TAFA1: variants seen among roughly 807,000 people sequenced by gnomAD.
The protein encoded by TAFA1 is TAFA chemokine like family member 1.
In TAFA1, 4 loss-of-function variants were observed where a neutral mutation model predicts 18.5. The ratio of observed to expected loss-of-function variants is 0.22; its 90% confidence interval spans 0.11 to 0.49. The LOEUF (loss-of-function observed/expected upper bound fraction) is 0.49. Among genes scored for constraint, TAFA1 ranks in the 20% least tolerant of loss-of-function variants. The pLI is 0.98. For synonymous variants in TAFA1, 56 were observed against 55.2 expected (o/e 1.01, Z -0.06); for missense variants, 147 against 169.0 (o/e 0.87, Z 0.72).
intron 2 of TAFA1, among the ~76,000 whole-genome samples, chr3:68,019,261 G>T (rs2106792849): frequency 6.6e-6 from 1 of 152,296 alleles, no homozygotes; most frequent in East Asian, 1.9e-4. Flanking sequence ...TATGCAAACA[G>T]GCCTGGCTGA....
At chr3:68,538,168 A>C (rs1352772753) in intron 3 of TAFA1, among the ~76,000 whole-genome samples, 1 of 152,062 alleles carries the variant, frequency 6.6e-6, no homozygotes, top group East Asian at 1.9e-4. Flanking sequence ...GTCTGAAAAA[A>C]TCTCAGTCAA....
chr3:68,091,691 G>A (rs1043750814), intron 2 of TAFA1, among the ~76,000 whole-genome samples: 1 of 152,202 alleles, frequency 6.6e-6, no homozygotes, highest in South Asian at 2.1e-4. Context: ...GATGAAAAAA[G>A]CAGCCCTGAG....
intron 2 of TAFA1, among the ~76,000 whole-genome samples, chr3:68,161,726 T>C (rs1455047510): frequency 6.6e-6 from 1 of 152,166 alleles, no homozygotes; most frequent in Non-Finnish European, 1.5e-5. Context: ...AAACCCCATT[T>C]TGTTATTATT....
intron 2 of TAFA1, among the ~76,000 whole-genome samples, chr3:68,377,083 G>C (rs1553683329): frequency 6.6e-6 from 1 of 152,134 alleles, no homozygotes; most frequent in Admixed American, 6.6e-5. Context: ...TTTTCTTGCT[G>C]AATTACCCAG....
At chr3:68,011,711 A>T (rs1704475637) in intron 2 of TAFA1, among the ~76,000 whole-genome samples, 1 of 152,194 alleles carries the variant, frequency 6.6e-6, no homozygotes, top group Admixed American at 6.5e-5. Context: ...TGCTAAATAT[A>T]GCGAATTGGC....
chr3:68,280,492 C>T (rs550665136), intron 2 of TAFA1, among the ~76,000 whole-genome samples: 8 of 152,166 alleles, frequency 5.3e-5, no homozygotes, highest in South Asian at 4.2e-4. Flanking sequence ...TGGTAAAGAC[C>T]GCTTTTTAGG....
At chr3:68,500,896 T>G (rs1438088120) in intron 3 of TAFA1, among the ~76,000 whole-genome samples, 1 of 152,020 alleles carries the variant, frequency 6.6e-6, no homozygotes, top group Non-Finnish European at 1.5e-5. Flanking sequence ...CCAGGCATGG[T>G]GGCTCACACC....
chr3:68,095,110 G>A (rs2065072810), intron 2 of TAFA1, among the ~76,000 whole-genome samples: 1 of 152,136 alleles, frequency 6.6e-6, no homozygotes, highest in African/African-American at 2.4e-5. Flanking sequence ...TCCAGCCAGA[G>A]AGATCTGATT....
At chr3:68,405,699 CA>C (rs56258198) in intron 2 of TAFA1, among the ~76,000 whole-genome samples, 3 of 32,890 alleles carry the variant, frequency 9.1e-5, no homozygotes, top group African/African-American at 1.4e-4. Flanking sequence ...GACTCTATCT[CA>C]AAAAAAAAAA....
intron 2 of TAFA1, among the ~76,000 whole-genome samples, chr3:68,213,526 T>C (rs2066619651): frequency 6.6e-6 from 1 of 152,090 alleles, no homozygotes; most frequent in Non-Finnish European, 1.5e-5. Context: ...CCCTTTACTT[T>C]CATGTATTCT....
intron 2 of TAFA1, among the ~76,000 whole-genome samples, chr3:68,208,998 T>G (rs1235804567): frequency 6.6e-6 from 1 of 151,940 alleles, no homozygotes; most frequent in Non-Finnish European, 1.5e-5. Flanking sequence ...CAACTGCCAT[T>G]TCATGGATGG....
At chr3:68,029,870 C>T (rs1230668156) in intron 2 of TAFA1, among the ~76,000 whole-genome samples, 1 of 152,132 alleles carries the variant, frequency 6.6e-6, no homozygotes, top group Admixed American at 6.5e-5. Context: ...AGTTTCGTTA[C>T]CTTGCCTAAG....
intron 2 of TAFA1, among the ~76,000 whole-genome samples, chr3:68,250,111 C>A (rs1444923039): frequency 6.6e-6 from 1 of 152,112 alleles, no homozygotes; most frequent in Non-Finnish European, 1.5e-5. Flanking sequence ...TATACGCTCT[C>A]ATCACTTATA....
At position 68,474,636 on chromosome 3, in the gene TAFA1, G is replaced by A. The variant is rs527921626; in HGVS notation, c.259+57216G>A. Among the ~76,000 whole-genome samples, 3 of 152,316 alleles carry A rather than the reference G, an allele frequency of 2.0e-5. No homozygotes were observed. In the South Asian group the frequency reaches 6.2e-4, roughly 32 times the overall value. On this transcript the variant is annotated intron_variant, in intron 3 of 4. Coordinates refer to ENST00000478136, the MANE Select transcript of TAFA1 (RefSeq NM_213609.4). ...TTTACGTGAGAGTATAGCAGGTGCTGCATCTTGGTTTTATAAATCGTTGTA... is the reference window on the plus strand; with the variant it reads ...TTTACGTGAGAGTATAGCAGGTGCTACATCTTGGTTTTATAAATCGTTGTA...
chr3:68,237,642 G>A (rs573475881), intron 2 of TAFA1, among the ~76,000 whole-genome samples: 1 of 152,258 alleles, frequency 6.6e-6, no homozygotes, highest in South Asian at 2.1e-4. Context: ...ATAGGGTTCT[G>A]AATTTTTTTA....
At chr3:68,381,870 C>T (rs2069965992) in intron 2 of TAFA1, among the ~76,000 whole-genome samples, 1 of 152,134 alleles carries the variant, frequency 6.6e-6, no homozygotes, top group Admixed American at 6.6e-5. Flanking sequence ...GGAATGCTTC[C>T]AGTTTTTGCC....
chr3:68,336,136 G>A (rs2068966162), intron 2 of TAFA1, among the ~76,000 whole-genome samples: 1 of 152,190 alleles, frequency 6.6e-6, no homozygotes, highest in South Asian at 2.1e-4. Flanking sequence ...TGACAATAAA[G>A]AACATAATGT....
chr3:68,353,617 AC>A (rs1444562741), intron 2 of TAFA1, among the ~76,000 whole-genome samples: 1 of 152,072 alleles, frequency 6.6e-6, no homozygotes, highest in East Asian at 1.9e-4. Flanking sequence ...GAAGTAGGGA[AC>A]AATAGAAGGA....
intron 2 of TAFA1, among the ~76,000 whole-genome samples, chr3:68,099,821 A>G (rs183763348): frequency 6.9e-4 from 105 of 152,326 alleles, no homozygotes; most frequent in Non-Finnish European, 1.8e-4. Flanking sequence ...CAGCCATAAA[A>G]AAGAATGAAA....
Sources: gnomAD v4.1 joint callset for allele counts (sites outside exome capture counted in the v4.1 genomes callset) on GRCh38, gnomAD v4.1.1 for gene constraint, MANE v1.5 for transcripts, NCBI Gene and HGNC (gene_info 2026-07-23, HGNC 2026-07-21) for gene names.